The following CDH18 variants were observed in gnomAD, a reference collection of about 807,000 sequenced individuals.
CDH18 encodes the protein cadherin 18.
A neutral mutation model predicts 67.9 loss-of-function variants in CDH18; 31 were observed. The observed-to-expected ratio is 0.46, with a 90% CI of 0.34 to 0.62. CDH18 has a LOEUF of 0.62. Among genes scored for constraint, CDH18 ranks in the 20% least tolerant of loss-of-function variants. The pLI, the probability that CDH18 is intolerant of heterozygous loss-of-function variation, is 0.01. For missense variants in CDH18, 890 were observed against 975.5 expected, an observed-to-expected ratio of 0.91 and a Z score of 1.17; for synonymous variants, 362 against 347.2, an observed-to-expected ratio of 1.04 and a Z score of -0.48.
intron 10 of CDH18, among the ~76,000 whole-genome samples, chr5:19,508,820 T>C (rs962597971): frequency 1.1e-4 from 17 of 151,902 alleles, no homozygotes; most frequent in Admixed American, 3.9e-4. Context: ...GCAAATGAAC[T>C]TGCTTGGCTT....
chr5:20,004,386 G>T (rs770539850), intron 2 of CDH18, among the ~76,000 whole-genome samples: 1 of 152,184 alleles, frequency 6.6e-6, no homozygotes, highest in African/African-American at 2.4e-5. Context: ...GCTAAAGGAG[G>T]TCTAAATATC....
At chr5:20,435,763 C>G (rs1368300603) in intron 1 of CDH18, among the ~76,000 whole-genome samples, 1 of 151,916 alleles carries the variant, frequency 6.6e-6, no homozygotes, top group Non-Finnish European at 1.5e-5. Flanking sequence ...AAGTAAGACA[C>G]TTTTTAAGAT....
intron 3 of CDH18, among the ~76,000 whole-genome samples, chr5:19,789,704 C>T (rs911364732): frequency 2.6e-5 from 4 of 152,082 alleles, no homozygotes; most frequent in African/African-American, 9.7e-5. Context: ...AAAGCACAAG[C>T]TCACTGGCCT....
intron 2 of CDH18, among the ~76,000 whole-genome samples, chr5:20,150,864 AAAC>A (rs1413723262): frequency 6.6e-6 from 1 of 152,044 alleles, no homozygotes; most frequent in Non-Finnish European, 1.5e-5. Flanking sequence ...TACTGACTAA[AAAC>A]AAGAATTCCC....
At chr5:19,611,680 T>A (rs1748989844) in intron 6 of CDH18, among the ~76,000 whole-genome samples, 1 of 152,140 alleles carries the variant, frequency 6.6e-6, no homozygotes, top group East Asian at 1.9e-4. Context: ...AAGAGACAAC[T>A]CCTCTGTAGG....
At chr5:19,532,331 G>C (rs1015230050) in intron 9 of CDH18, among the ~76,000 whole-genome samples, 1 of 152,044 alleles carries the variant, frequency 6.6e-6, no homozygotes, top group Admixed American at 6.6e-5. Flanking sequence ...GCTTGTCACT[G>C]GGTTGTTGAC....
intron 1 of CDH18, among the ~76,000 whole-genome samples, chr5:20,423,610 C>T (rs1388274644): frequency 1.3e-5 from 2 of 150,840 alleles, no homozygotes; most frequent in African/African-American, 2.5e-5. Context: ...ATATAACATT[C>T]ATAAAATAAG....
At chr5:19,662,948 G>T (rs970069068) in intron 5 of CDH18, among the ~76,000 whole-genome samples, 1 of 151,966 alleles carries the variant, frequency 6.6e-6, no homozygotes, top group African/African-American at 2.4e-5. Context: ...GAATAAATTG[G>T]TTAGAAAAGT....
intron 9 of CDH18, among the ~76,000 whole-genome samples, chr5:19,535,246 A>G (rs774314006): frequency 6.6e-6 from 1 of 152,196 alleles, no homozygotes; most frequent in Non-Finnish European, 1.5e-5. Flanking sequence ...CCTGAAAAGC[A>G]TTTTGTTTGA....
chr5:20,346,150 G>A (rs934969400), intron 1 of CDH18, among the ~76,000 whole-genome samples: 2 of 152,104 alleles, frequency 1.3e-5, no homozygotes, highest in Admixed American at 6.6e-5. Context: ...TACCCACCTC[G>A]ATAAGAGAGG....
chr5:19,731,953 GGT>G (rs576288535), intron 4 of CDH18, among the ~76,000 whole-genome samples: 125 of 150,444 alleles, frequency 8.3e-4, no homozygotes, highest in Non-Finnish European at 1.6e-3. Flanking sequence ...AGCCAGACCT[GGT>G]AGTACACACC....
At chr5:19,814,038 T>C (rs1779024086) in intron 3 of CDH18, among the ~76,000 whole-genome samples, 1 of 151,912 alleles carries the variant, frequency 6.6e-6, no homozygotes, top group Non-Finnish European at 1.5e-5. Context: ...GATAGGAGAA[T>C]ATTGTCTTTT....
chr5:19,683,824 C>G (rs1760676328), intron 5 of CDH18, among the ~76,000 whole-genome samples: 1 of 151,876 alleles, frequency 6.6e-6, no homozygotes, highest in Non-Finnish European at 1.5e-5. Context: ...TGAGATAATT[C>G]CTCTCTATAT....
chr5:20,369,476 G>A (rs77245826), intron 1 of CDH18, among the ~76,000 whole-genome samples: 4,196 of 152,184 alleles, frequency 0.028, 141 homozygotes, highest in African/African-American at 0.074. Context: ...GAAAATGCTC[G>A]CTTTCAAAGT....
At chr5:19,612,622 TAAAC>T in intron 5 of CDH18, 21 bp from the exon 6 acceptor site, 1 of 1,560,970 alleles carries the variant, frequency 6.4e-7, no homozygotes, top group Non-Finnish European at 8.8e-7. Flanking sequence ...TATATTTTAA[TAAAC>T]AGTATGAGCT....
intron 5 of CDH18, among the ~76,000 whole-genome samples, chr5:19,702,489 G>T (rs1763397833): frequency 1.3e-5 from 2 of 151,648 alleles, no homozygotes; most frequent in African/African-American, 4.8e-5. Context: ...CTTTCAGCCG[G>T]GCGTGGTGGC....
At chr5:19,523,855 A>G (rs1418702067) in intron 9 of CDH18, among the ~76,000 whole-genome samples, 1 of 152,138 alleles carries the variant, frequency 6.6e-6, no homozygotes, top group Non-Finnish European at 1.5e-5. Flanking sequence ...GAAAATAAAA[A>G]TATTCAACAA....
At chr5:20,047,470 G>A (rs1484728968) in intron 2 of CDH18, among the ~76,000 whole-genome samples, 2 of 151,840 alleles carry the variant, frequency 1.3e-5, no homozygotes, top group East Asian at 1.9e-4. Flanking sequence ...GAAAAAGGCA[G>A]AGAAATATTA....
At chr5:20,527,000 G>C (rs1425475881) in intron 1 of CDH18, among the ~76,000 whole-genome samples, 15 of 151,950 alleles carry the variant, frequency 9.9e-5, no homozygotes. Flanking sequence ...AAGCAAAGAA[G>C]CTAAGAATCA....
Sources: gnomAD v4.1 joint callset for allele counts (sites outside exome capture counted in the v4.1 genomes callset) on GRCh38, gnomAD v4.1.1 for gene constraint, MANE v1.5 for transcripts, NCBI Gene and HGNC (gene_info 2026-07-23, HGNC 2026-07-21) for gene names.